Variants in PLEKHA5 observed in about 807,000 individuals in gnomAD.
PLEKHA5 encodes pleckstrin homology domain-containing family A member 5.
In PLEKHA5, 55 loss-of-function variants were observed where a neutral mutation model predicts 181.9. The observed-to-expected ratio is 0.30, with a 90% CI of 0.24 to 0.38. The LOEUF is 0.38. PLEKHA5 is among the 10% of genes least tolerant of loss of function. The pLI, the probability that PLEKHA5 is intolerant of heterozygous loss-of-function variation, is 1.00. For missense variants in PLEKHA5, 1,432 were observed against 1,549.5 expected, an observed-to-expected ratio of 0.92 and a Z score of 1.27; for synonymous variants, 535 against 529.4, an observed-to-expected ratio of 1.01 and a Z score of -0.15.
intron 3 of PLEKHA5, among the ~76,000 whole-genome samples, chr12:19,135,972 T>C (rs1177528112): frequency 6.6e-6 from 1 of 150,738 alleles, no homozygotes; most frequent in African/African-American, 2.4e-5. Flanking sequence ...CTTGACCTCC[T>C]GGGCTTAAGC....
At chr12:19,333,536 C>A (rs1243710657) in intron 20 of PLEKHA5, among the ~76,000 whole-genome samples, 2 of 150,818 alleles carry the variant, frequency 1.3e-5, no homozygotes, top group Admixed American at 1.3e-4. Context: ...TTGCAGTGAG[C>A]CAAGGTCATG....
intron 29 of PLEKHA5, 94 bp downstream of exon 29, chr12:19,361,800 C>T: frequency 9.6e-7 from 1 of 1,038,986 alleles, no homozygotes; most frequent in Non-Finnish European, 1.5e-6. Flanking sequence ...GATTTCAGCC[C>T]CAGCTTAGCT....
At chr12:19,293,847 C>T (rs1382081261) in intron 15 of PLEKHA5, among the ~76,000 whole-genome samples, 2 of 152,156 alleles carry the variant, frequency 1.3e-5, no homozygotes, top group African/African-American at 4.8e-5. Flanking sequence ...ACCTAGACCT[C>T]GTTGAGGTTC....
chr12:19,215,301 TA>T (rs912951482), intron 3 of PLEKHA5, among the ~76,000 whole-genome samples: 7 of 152,290 alleles, frequency 4.6e-5, no homozygotes, highest in African/African-American at 1.7e-4. Context: ...AGTTTTTTTT[TA>T]AATGTAAAAT....
intron 30 of PLEKHA5, among the ~76,000 whole-genome samples, chr12:19,368,381 C>A (rs1221275416): frequency 1.3e-5 from 2 of 152,192 alleles, no homozygotes; most frequent in Admixed American, 6.5e-5. Context: ...ATAGACCCAG[C>A]TTCTCAGGAG....
chr12:19,225,129 A>G (rs968147140), intron 3 of PLEKHA5, among the ~76,000 whole-genome samples: 7 of 152,034 alleles, frequency 4.6e-5, no homozygotes, highest in African/African-American at 1.7e-4. Context: ...GATTCCATAC[A>G]GTAGGAAGTG....
At chr12:19,365,930 G>A in intron 29 of PLEKHA5, 34 bp from the exon 30 acceptor site, 2 of 1,530,642 alleles carry the variant, frequency 1.3e-6, no homozygotes, top group Non-Finnish European at 1.8e-6. Flanking sequence ...ATTCTATAGT[G>A]ACAAATTTTT....
At chr12:19,374,031 ATAAC>A (rs1329952827) in intron 31 of PLEKHA5, among the ~76,000 whole-genome samples, 4 of 152,220 alleles carry the variant, frequency 2.6e-5, no homozygotes, top group Non-Finnish European at 4.4e-5. Context: ...ACTACCACAA[ATAAC>A]TAAAGGCATG....
chr12:19,312,500 C>T (rs902745252), intron 15 of PLEKHA5, among the ~76,000 whole-genome samples: 1 of 152,242 alleles, frequency 6.6e-6, no homozygotes, highest in African/African-American at 2.4e-5. Flanking sequence ...TCAGCACCTG[C>T]TGCTTCACCT....
chr12:19,354,640 C>G (rs2094826210), intron 26 of PLEKHA5, among the ~76,000 whole-genome samples: 1 of 151,386 alleles, frequency 6.6e-6, no homozygotes, highest in African/African-American at 2.4e-5. Flanking sequence ...ACCACCACGC[C>G]TGGCTAAATT....
chr12:19,223,479 C>T (rs2059275572), intron 3 of PLEKHA5, among the ~76,000 whole-genome samples: 1 of 152,062 alleles, frequency 6.6e-6, no homozygotes, highest in Admixed American at 6.6e-5. Context: ...GACTTTCAAT[C>T]CACAGCCATA....
intron 7 of PLEKHA5, among the ~76,000 whole-genome samples, chr12:19,263,265 A>G (rs1487814924): frequency 6.6e-6 from 1 of 152,156 alleles, no homozygotes; most frequent in Non-Finnish European, 1.5e-5. Context: ...GCTACCTGAT[A>G]ACGTGGGGAA....
At chr12:19,298,528 C>G (rs955112895) in intron 15 of PLEKHA5, among the ~76,000 whole-genome samples, 5 of 150,820 alleles carry the variant, frequency 3.3e-5, no homozygotes, top group African/African-American at 9.8e-5. Flanking sequence ...ACCACCACGC[C>G]TGGTGAATTT....
At chr12:19,352,577 CT>C (rs34607449) in intron 25 of PLEKHA5, among the ~76,000 whole-genome samples, 66,211 of 110,034 alleles carry the variant, frequency 0.6, 20,266 homozygotes, top group Non-Finnish European at 0.73. Context: ...ACAAAGAAGG[CT>C]TTTTTTTTTT....
At chr12:19,278,666 G>A (rs2152762895) in intron 11 of PLEKHA5, among the ~76,000 whole-genome samples, 1 of 152,212 alleles carries the variant, frequency 6.6e-6, no homozygotes, top group Non-Finnish European at 1.5e-5. Flanking sequence ...TCCAGTTTCT[G>A]GCTTTCGTGT....
At chr12:19,285,112 A>G (rs1441595658) in intron 12 of PLEKHA5, among the ~76,000 whole-genome samples, 1 of 152,206 alleles carries the variant, frequency 6.6e-6, no homozygotes, top group Non-Finnish European at 1.5e-5. Flanking sequence ...GAAAGTTTTA[A>G]TTTGCCTCAC....
rs771591899 is a variant in PLEKHA5 at position 19,287,537 on chromosome 12, A to G, written c.1844A>G (p.Gln615Arg). The change falls in exon 13 of 32, where the codon CAG becomes CGG. Residue 615 changes from glutamine (Q) to arginine (R), a missense_variant. This residue lies in a region of PLEKHA5 where 1,143 missense variants were observed against 1,168.4 expected (regional missense o/e 0.98). Transcript: ENST00000429027. ...AGLTLQSVSP[Q>R]SLQGKTPEEL... is the part of the protein sequence containing the mutation. ...CTGACTTTACAGTCTGTTAGTCCCC[A>G]GAGCCTCCAAGGGAAAACGGTGAGT... is the stretch of plus-strand genomic sequence containing the variant. The G allele has an allele frequency of 1.4e-5, 22 of 1,598,540 alleles. No individual in the cohort carries two copies. In the African/African-American group the frequency reaches 2.7e-4, roughly 19 times the overall value.
intron 3 of PLEKHA5, among the ~76,000 whole-genome samples, chr12:19,219,228 G>T (rs2058550780): frequency 6.6e-6 from 1 of 152,086 alleles, no homozygotes; most frequent in African/African-American, 2.4e-5. Flanking sequence ...CGGGGGTGAT[G>T]ATTTGGATAT....
intron 15 of PLEKHA5, among the ~76,000 whole-genome samples, chr12:19,299,436 C>A (rs2080845970): frequency 6.6e-6 from 1 of 152,184 alleles, no homozygotes; most frequent in South Asian, 2.1e-4. Flanking sequence ...TCTCCTGAAT[C>A]TTTAGTCAGC....
Sources: allele counts gnomAD v4.1 joint callset (sites outside exome capture counted in the v4.1 genomes callset), GRCh38; gene constraint gnomAD v4.1.1; regional missense constraint gnomAD v4.1.1; transcripts MANE v1.5; gene names NCBI Gene and HGNC (gene_info 2026-07-23, HGNC 2026-07-21).